The following CBFB variants were observed in gnomAD, a reference collection of about 807,000 sequenced individuals.
The protein encoded by CBFB is CBF-beta.
In CBFB, 9 loss-of-function variants were observed where a neutral mutation model predicts 30.4. The ratio of observed to expected loss-of-function variants is 0.30; its 90% CI spans 0.18 to 0.52. The LOEUF is 0.52. Ranked by LOEUF, CBFB falls within the 20% of genes least tolerant of loss-of-function variation. The pLI, the probability that CBFB is intolerant of heterozygous loss-of-function variation, is 0.97. For missense variants in CBFB, 170 were observed against 244.0 expected (o/e 0.70, Z 2.02); for synonymous variants, 94 against 84.0 (o/e 1.12, Z -0.65).
intron 3 of CBFB, among the ~76,000 whole-genome samples, chr16:67,039,263 G>T (rs911517461): frequency 1.3e-5 from 2 of 152,112 alleles, no homozygotes. Context: ...ACACAATTTG[G>T]TAAGTATTTG....
intron 5 of CBFB, among the ~76,000 whole-genome samples, chr16:67,084,234 A>G (rs1220730170): frequency 6.6e-6 from 1 of 151,050 alleles, no homozygotes; most frequent in African/African-American, 2.4e-5. Flanking sequence ...AATGTGTTTG[A>G]AAAAGAGTGT....
intron 3 of CBFB, among the ~76,000 whole-genome samples, chr16:67,043,892 A>G (rs1291246071): frequency 6.6e-6 from 1 of 152,242 alleles, no homozygotes; most frequent in African/African-American, 2.4e-5. Flanking sequence ...TTGGAACACT[A>G]CATCTTTCCC....
chr16:67,080,406 G>T (rs147378223), intron 4 of CBFB, among the ~76,000 whole-genome samples: 49 of 152,218 alleles, frequency 3.2e-4, no homozygotes, highest in Non-Finnish European at 5.1e-4. Context: ...CAAGTGGGTA[G>T]GACTCAGTGG....
chr16:67,081,508 C>T (rs542817237), intron 4 of CBFB, among the ~76,000 whole-genome samples: 17 of 151,654 alleles, frequency 1.1e-4, no homozygotes, highest in Admixed American at 5.9e-4. Context: ...TTGTTTCTGT[C>T]GGAATAAAAA....
At chr16:67,052,762 G>A (rs1299534575) in intron 3 of CBFB, among the ~76,000 whole-genome samples, 1 of 152,046 alleles carries the variant, frequency 6.6e-6, no homozygotes, top group Non-Finnish European at 1.5e-5. Context: ...AGGAGTTACA[G>A]ACCAGCCCGG....
intron 2 of CBFB, chr16:67,030,137 G>T: frequency 3.8e-6 from 1 of 263,658 alleles, no homozygotes; most frequent in Non-Finnish European, 7.0e-6. Flanking sequence ...TTTGTAGCAA[G>T]CAAACCCCCA....
intron 2 of CBFB, among the ~76,000 whole-genome samples, chr16:67,035,678 A>AT (rs1447606647): frequency 1.3e-5 from 2 of 152,230 alleles, no homozygotes; most frequent in Non-Finnish European, 2.9e-5. Flanking sequence ...TTGATTTGAG[A>AT]TGAAGACTCT....
chr16:67,050,685 T>C (rs1244958786), intron 3 of CBFB, among the ~76,000 whole-genome samples: 1 of 152,048 alleles, frequency 6.6e-6, no homozygotes, highest in African/African-American at 2.4e-5. Context: ...CCTAGCTATT[T>C]GGGAGGCTGA....
At chr16:67,081,021 C>T (rs536437689) in intron 4 of CBFB, among the ~76,000 whole-genome samples, 1 of 152,050 alleles carries the variant, frequency 6.6e-6, no homozygotes, top group East Asian at 1.9e-4. Context: ...TACGTGTACA[C>T]AATGTGCAGA....
chr16:67,057,273 G>A (rs1234072332), intron 3 of CBFB, among the ~76,000 whole-genome samples: 3 of 151,994 alleles, frequency 2.0e-5, no homozygotes, highest in South Asian at 4.2e-4. Flanking sequence ...GTGAGCCACC[G>A]CGCCTATCCT....
chr16:67,098,922 C>T lies in CBFB; in HGVS notation c.*144C>T, dbSNP rs1962139310. 1 of 574,280 alleles carries T rather than the reference C, an allele frequency of 1.7e-6. No homozygotes were observed. Among genetic ancestry groups the T allele is most frequent in the Non-Finnish European group, 3.1e-6 (1 of 318,502 alleles). The allele number at this position is 574,280 out of a possible 1,614,324, so 35.6% of individuals were successfully genotyped here. A position where few individuals can be genotyped will look rare whatever the true frequency, so the allele number is the denominator to read the frequency against. On this transcript the variant is annotated 3_prime_UTR_variant, in exon 6 of 6. Transcript: ENST00000412916. ...CAACCTTAGGCAGTAATAGACATCA[C>T]AAACTGCCATGGTTTTGCACTATGA...
intron 3 of CBFB, among the ~76,000 whole-genome samples, chr16:67,065,164 G>T (rs1158691470): frequency 6.6e-6 from 1 of 152,064 alleles, no homozygotes; most frequent in African/African-American, 2.4e-5. Flanking sequence ...CTCCCAAAGT[G>T]CCGGGATTAC....
At chr16:67,046,253 C>T (rs960532695) in intron 3 of CBFB, among the ~76,000 whole-genome samples, 5 of 151,962 alleles carry the variant, frequency 3.3e-5, no homozygotes, top group East Asian at 1.9e-4. Context: ...ACCACAGGCA[C>T]GCGCCACCAT....
chr16:67,054,814 G>A (rs1345268416), intron 3 of CBFB, among the ~76,000 whole-genome samples: 1 of 152,088 alleles, frequency 6.6e-6, no homozygotes. Flanking sequence ...GTGCAGTGGT[G>A]CGATCTCGCC....
chr16:67,057,860 A>C (rs776636536), intron 3 of CBFB, among the ~76,000 whole-genome samples: 2 of 152,042 alleles, frequency 1.3e-5, no homozygotes, highest in Non-Finnish European at 2.9e-5. Context: ...TGTTCCATTA[A>C]GTTGTAGCTG....
intron 2 of CBFB, among the ~76,000 whole-genome samples, chr16:67,033,243 A>G (rs1005347034): frequency 3.3e-5 from 5 of 152,250 alleles, no homozygotes; most frequent in Non-Finnish European, 7.3e-5. Flanking sequence ...TATAAAACTC[A>G]ATCAGCCTCC....
At chr16:67,052,647 A>G (rs1454574622) in intron 3 of CBFB, among the ~76,000 whole-genome samples, 1 of 151,950 alleles carries the variant, frequency 6.6e-6, no homozygotes, top group East Asian at 1.9e-4. Context: ...TTCACATTAT[A>G]TATTTCTGTT....
At chr16:67,053,516 A>C (rs1407854687) in intron 3 of CBFB, among the ~76,000 whole-genome samples, 1 of 151,834 alleles carries the variant, frequency 6.6e-6, no homozygotes, top group African/African-American at 2.4e-5. Flanking sequence ...CGGCCTCCCA[A>C]AGTGCTGGGA....
In CBFB at chr16:67,029,440, G is replaced by A. The variant is rs761975945; in HGVS notation, c.33G>A (p.Lys11=). 40 of 1,589,776 alleles carry A rather than the reference G, an allele frequency of 2.5e-5. No individual in the cohort carries two copies. Among genetic ancestry groups the A allele is most frequent in the Non-Finnish European group, 1.8e-5 (21 of 1,169,596 alleles). The change falls in exon 1 of 6, where the codon AAG becomes AAA. Residue 11 remains lysine, a synonymous_variant. Transcript: ENST00000412916. The part of the protein sequence containing the change: MPRVVPDQRS[K]FENEEFFRKL... ...GCGTCGTGCCCGACCAGAGAAGCAA[G>A]TTCGAGAACGAGGAGTTTTTTAGGA...
Sources: allele counts gnomAD v4.1 joint callset (sites outside exome capture counted in the v4.1 genomes callset), GRCh38; gene constraint gnomAD v4.1.1; transcripts MANE v1.5; gene names NCBI Gene and HGNC (gene_info 2026-07-23, HGNC 2026-07-21).